RYR3: variants seen among roughly 807,000 people sequenced by gnomAD.
RYR3 encodes the protein ryanodine receptor 3.
Under a neutral mutation model 584.3 loss-of-function variants are expected in RYR3, and 207 were observed. That is an observed-to-expected ratio of 0.35 (90% CI 0.32 to 0.40). RYR3 has a LOEUF of 0.40. RYR3 is among the 10% of genes least tolerant of loss of function. The pLI, the probability that RYR3 is intolerant of heterozygous loss-of-function variation, is 1.00. For missense variants in RYR3, 5,616 were observed against 6,089.2 expected (o/e 0.92, Z 2.59); for synonymous variants, 2,416 against 2,248.5 (o/e 1.07, Z -2.11).
intron 38 of RYR3, among the ~76,000 whole-genome samples, chr15:33,678,307 G>A (rs959825794): frequency 3.3e-5 from 5 of 152,148 alleles, no homozygotes; most frequent in African/African-American, 7.2e-5. Flanking sequence ...CCCCCATGCT[G>A]TTCTCATAAT....
At chr15:33,692,425 T>G (rs1339775464) in intron 38 of RYR3, among the ~76,000 whole-genome samples, 1 of 152,152 alleles carries the variant, frequency 6.6e-6, no homozygotes, top group East Asian at 1.9e-4. Context: ...AATGTCCCCT[T>G]CTGCCCCTCT....
intron 1 of RYR3, among the ~76,000 whole-genome samples, chr15:33,341,259 G>C (rs575136805): frequency 6.6e-6 from 1 of 151,984 alleles, no homozygotes; most frequent in African/African-American, 2.4e-5. Flanking sequence ...GGCTGATCTC[G>C]AACCTCTGAC....
intron 12 of RYR3, among the ~76,000 whole-genome samples, chr15:33,576,447 G>T (rs553751844): frequency 6.6e-6 from 1 of 152,306 alleles, no homozygotes; most frequent in East Asian, 1.9e-4. Flanking sequence ...TCCCTGGGAT[G>T]CAAGGCTGGT....
intron 20 of RYR3, among the ~76,000 whole-genome samples, chr15:33,626,597 C>G (rs2061002284): frequency 6.6e-6 from 1 of 152,172 alleles, no homozygotes; most frequent in African/African-American, 2.4e-5. Context: ...ATGTCATTGA[C>G]CTTTGCAGTA....
chr15:33,742,057 C>T (rs1297347649), intron 51 of RYR3, among the ~76,000 whole-genome samples: 1 of 152,312 alleles, frequency 6.6e-6, no homozygotes. Context: ...CTTGGATTCT[C>T]GCTGTCTAAC....
intron 2 of RYR3, among the ~76,000 whole-genome samples, chr15:33,489,568 A>T (rs1414953146): frequency 6.6e-6 from 1 of 151,024 alleles, no homozygotes; most frequent in Admixed American, 6.6e-5. Context: ...ATAGTATTCC[A>T]TGGTGTATGA....
chr15:33,683,477 A>G (rs1418575398), intron 38 of RYR3, among the ~76,000 whole-genome samples: 2 of 152,248 alleles, frequency 1.3e-5, no homozygotes, highest in African/African-American at 4.8e-5. Context: ...AAGTCCCTCC[A>G]TTGCTGTTTG....
At chr15:33,768,002 G>A (rs2073244875) in intron 60 of RYR3, among the ~76,000 whole-genome samples, 1 of 152,170 alleles carries the variant, frequency 6.6e-6, no homozygotes, top group Non-Finnish European at 1.5e-5. Flanking sequence ...GGAAAATATG[G>A]GTGAAAGCAT....
At chr15:33,736,155 A>G in intron 48 of RYR3, 80 bp from the exon 49 acceptor site, 3 of 905,092 alleles carry the variant, frequency 3.3e-6, no homozygotes, top group Non-Finnish European at 5.2e-6. Flanking sequence ...TAATATGCTT[A>G]TTGTTCAGTG....
At chr15:33,368,257 A>G (rs1049407895) in intron 1 of RYR3, among the ~76,000 whole-genome samples, 66 of 151,632 alleles carry the variant, frequency 4.4e-4, no homozygotes, top group African/African-American at 1.6e-3. Context: ...CAAATATATA[A>G]CATCGGAGTA....
intron 67 of RYR3, among the ~76,000 whole-genome samples, chr15:33,798,926 A>G (rs922071600): frequency 6.6e-6 from 1 of 152,180 alleles, no homozygotes; most frequent in African/African-American, 2.4e-5. Context: ...ATGAATGGGT[A>G]GGAGGTACAG....
At chr15:33,452,082 G>A (rs1278725407) in intron 1 of RYR3, among the ~76,000 whole-genome samples, 1 of 152,144 alleles carries the variant, frequency 6.6e-6, no homozygotes, top group Non-Finnish European at 1.5e-5. Context: ...AAGACTCTGG[G>A]GCCAGGCCAT....
intron 1 of RYR3, among the ~76,000 whole-genome samples, chr15:33,321,402 C>T (rs911668119): frequency 6.6e-6 from 1 of 152,218 alleles, no homozygotes. Context: ...TTCTTACTCC[C>T]TCCTCTCTAT....
At chr15:33,819,273 T>A (rs2152956026) in intron 76 of RYR3, among the ~76,000 whole-genome samples, 1 of 152,300 alleles carries the variant, frequency 6.6e-6, no homozygotes, top group East Asian at 1.9e-4. Flanking sequence ...ATTTTCAGAG[T>A]GGTTTCTAAG....
intron 12 of RYR3, among the ~76,000 whole-genome samples, chr15:33,576,428 T>C (rs1389948953): frequency 6.6e-6 from 1 of 152,180 alleles, no homozygotes; most frequent in African/African-American, 2.4e-5. Context: ...CATGATCAAG[T>C]TGGCTTCATC....
rs569670124 is a variant in RYR3 at position 33,644,603 on chromosome 15, G to A, written c.3765+84G>A. The A allele has an allele frequency of 7.9e-6, 8 of 1,007,334 alleles. No individual in the cohort carries two copies. In the African/African-American group the frequency reaches 9.5e-5, roughly 12 times the overall value. 62.4% of individuals were successfully genotyped at this position (1,007,334 alleles called of 1,614,324 possible). On this transcript the variant is annotated intron_variant, in intron 28 of 103. Coordinates refer to ENST00000634891, the MANE Select transcript of RYR3 (RefSeq NM_001036.6). The stretch of plus-strand genomic sequence containing the variant: ...GCCCTAAGTCTCCTGTCAACAGGCA[G>A]CTGCTTACCTAAGTCTATGCCCTGG...
At chr15:33,600,713 AG>A (rs540224891) in intron 16 of RYR3, among the ~76,000 whole-genome samples, 5 of 152,132 alleles carry the variant, frequency 3.3e-5, no homozygotes, top group Admixed American at 6.5e-5. Flanking sequence ...CAGAAATTAA[AG>A]GGTATCTTCA....
chr15:33,643,579 G>C lies in RYR3; in HGVS notation c.3557-732G>C, dbSNP rs115386151. On this transcript the variant is annotated intron_variant, in intron 27 of 103. Transcript: ENST00000634891. ...GAGGAGGAGAGTGGGCTAGGAAACT[G>C]GGTGTTTGTAAATTGTATTTTGTTA... 3.0e-3 allele frequency among the ~76,000 whole-genome samples: 462 copies of C among 151,798 alleles called. 1 individual carries two copies. The highest frequency in any genetic ancestry group is 0.011 in the African/African-American group (443 of 41,158).
chr15:33,368,487 C>T (rs1975832905), intron 1 of RYR3, among the ~76,000 whole-genome samples: 1 of 151,846 alleles, frequency 6.6e-6, no homozygotes, highest in South Asian at 2.1e-4. Context: ...TCTGTGTGGC[C>T]CTCATCTGAC....
Sources: gnomAD v4.1 joint callset for allele counts (sites outside exome capture counted in the v4.1 genomes callset) on GRCh38, gnomAD v4.1.1 for gene constraint, MANE v1.5 for transcripts, NCBI Gene and HGNC (gene_info 2026-07-23, HGNC 2026-07-21) for gene names.